The following NPAS3 variants were observed in gnomAD, a reference collection of about 807,000 sequenced individuals.
The protein encoded by NPAS3 is neuronal PAS domain protein 3.
NPAS3 carries 14 observed loss-of-function variants against 73.1 expected under a neutral mutation model. The ratio of observed to expected loss-of-function variants is 0.19; its 90% confidence interval spans 0.13 to 0.30. NPAS3 has a LOEUF of 0.30. NPAS3 is among the 10% of genes least tolerant of loss of function. The pLI, the probability that NPAS3 is intolerant of heterozygous loss-of-function variation, is 1.00. For synonymous variants in NPAS3, 620 were observed against 541.5 expected, an observed-to-expected ratio of 1.14 and a Z score of -2.01; for missense variants, 1,096 against 1,250.0, an observed-to-expected ratio of 0.88 and a Z score of 1.86.
At chr14:33,448,481 G>GC (rs1566912852) in intron 4 of NPAS3, among the ~76,000 whole-genome samples, 1 of 152,170 alleles carries the variant, frequency 6.6e-6, no homozygotes, top group African/African-American at 2.4e-5. Context: ...GGTGCTGAGG[G>GC]CCCATCTAGG....
intron 3 of NPAS3, among the ~76,000 whole-genome samples, chr14:33,243,775 A>G (rs1173869147): frequency 6.6e-6 from 1 of 152,104 alleles, no homozygotes. Flanking sequence ...AATTAAAAAA[A>G]AAAAAGTACA....
intron 4 of NPAS3, among the ~76,000 whole-genome samples, chr14:33,553,097 A>G (rs977411098): frequency 1.3e-5 from 2 of 152,204 alleles, no homozygotes; most frequent in Non-Finnish European, 2.9e-5. Flanking sequence ...GTGGATCAGA[A>G]GCCAGTCACT....
chr14:33,694,473 A>T (rs1332070926), intron 6 of NPAS3, among the ~76,000 whole-genome samples: 1 of 152,180 alleles, frequency 6.6e-6, no homozygotes, highest in Admixed American at 6.6e-5. Flanking sequence ...GGTGTGATTT[A>T]ATAGTCAAAG....
chr14:33,107,371 T>A (rs1163681770), intron 2 of NPAS3, among the ~76,000 whole-genome samples: 1 of 152,186 alleles, frequency 6.6e-6, no homozygotes, highest in Non-Finnish European at 1.5e-5. Flanking sequence ...GTGAGCATAG[T>A]ACTCAACAGG....
intron 4 of NPAS3, among the ~76,000 whole-genome samples, chr14:33,394,059 C>A (rs182247561): frequency 5.3e-5 from 8 of 152,232 alleles, no homozygotes; most frequent in African/African-American, 1.9e-4. Flanking sequence ...GATTTTATGG[C>A]CTCTTCTTTA....
chr14:33,374,918 T>C (rs1475600146), intron 4 of NPAS3, among the ~76,000 whole-genome samples: 4 of 152,150 alleles, frequency 2.6e-5, no homozygotes, highest in Non-Finnish European at 5.9e-5. Context: ...CATTTGATGG[T>C]AGTGTTTTCA....
At chr14:33,169,466 G>T (rs1214278101) in intron 2 of NPAS3, among the ~76,000 whole-genome samples, 1 of 152,122 alleles carries the variant, frequency 6.6e-6, no homozygotes, top group Admixed American at 6.5e-5. Flanking sequence ...TACTTGGGAG[G>T]CTGAGACAAG....
chr14:33,475,009 T>G (rs1048824843), intron 4 of NPAS3, among the ~76,000 whole-genome samples: 7 of 152,082 alleles, frequency 4.6e-5, no homozygotes, highest in Admixed American at 1.3e-4. Flanking sequence ...GATTTGTGAG[T>G]GGGTTAGCTG....
chr14:33,121,643 A>G (rs933540507), intron 2 of NPAS3, among the ~76,000 whole-genome samples: 1 of 152,186 alleles, frequency 6.6e-6, no homozygotes, highest in Admixed American at 6.5e-5. Context: ...TCTCTCTGAC[A>G]TAACTTTTTA....
chr14:33,673,520 C>T (rs1158146205), intron 5 of NPAS3, among the ~76,000 whole-genome samples: 2 of 152,236 alleles, frequency 1.3e-5, no homozygotes, highest in African/African-American at 2.4e-5. Flanking sequence ...TACATTTCTT[C>T]ATGTCATTCA....
At chr14:33,145,744 C>T (rs2044216382) in intron 2 of NPAS3, among the ~76,000 whole-genome samples, 1 of 152,130 alleles carries the variant, frequency 6.6e-6, no homozygotes, top group Non-Finnish European at 1.5e-5. Context: ...CCTTACCATG[C>T]CTGGCTCTTT....
intron 2 of NPAS3, among the ~76,000 whole-genome samples, chr14:33,126,603 G>C (rs17100190): frequency 0.013 from 1,936 of 152,210 alleles, 37 homozygotes; most frequent in African/African-American, 0.044. Context: ...TGGATGGGAA[G>C]GGCTTGGCCA....
chr14:33,323,423 G>A (rs10132025), intron 3 of NPAS3, among the ~76,000 whole-genome samples: 35,319 of 152,122 alleles, frequency 0.23, 4,698 homozygotes, highest in African/African-American at 0.37. Context: ...TTTTTGCTGA[G>A]ATATTCCAAT....
At chr14:33,213,749 T>C (rs2047120733) in intron 2 of NPAS3, 1 of 152,170 alleles carries the variant, frequency 6.6e-6, no homozygotes, top group Admixed American at 6.6e-5. Flanking sequence ...AGAAAGACAT[T>C]TGTTAGCTAA....
chr14:33,467,583 A>C (rs2050585450), intron 4 of NPAS3, among the ~76,000 whole-genome samples: 9 of 152,222 alleles, frequency 5.9e-5, no homozygotes, highest in Admixed American at 5.9e-4. Context: ...TCCAGAATGT[A>C]GCTGCTTTGT....
At chr14:32,938,516 A>AGAGAGAGAGAGAGAGAGG, upstream of NPAS3, among the ~76,000 whole-genome samples, 1 of 121,618 alleles carries the variant, frequency 8.2e-6, no homozygotes, top group Non-Finnish European at 1.8e-5. Context: ...AGAGAGAGAG[A>AGAGAGAGAGAGAGAGAGG]GAGAGAGAAG....
At chr14:33,113,325 G>A (rs981912258) in intron 2 of NPAS3, among the ~76,000 whole-genome samples, 1 of 152,082 alleles carries the variant, frequency 6.6e-6, no homozygotes, top group Non-Finnish European at 1.5e-5. Context: ...CCATTTGTTT[G>A]TGTCCTCTTT....
chr14:33,419,735 C>A (rs1451592715), intron 4 of NPAS3, among the ~76,000 whole-genome samples: 1 of 151,802 alleles, frequency 6.6e-6, no homozygotes, highest in Non-Finnish European at 1.5e-5. Flanking sequence ...ATAACAATTT[C>A]TGGGTCTTAC....
At chr14:33,428,793 T>G (rs1415200349) in intron 4 of NPAS3, among the ~76,000 whole-genome samples, 1 of 152,146 alleles carries the variant, frequency 6.6e-6, no homozygotes, top group African/African-American at 2.4e-5. Context: ...TTGATTTGTA[T>G]AAGATGAGCA....
Sources: gnomAD v4.1 joint callset for allele counts (sites outside exome capture counted in the v4.1 genomes callset) on GRCh38, gnomAD v4.1.1 for gene constraint, MANE v1.5 for transcripts, NCBI Gene and HGNC (gene_info 2026-07-23, HGNC 2026-07-21) for gene names.